IZUMO3: variants seen among roughly 807,000 people sequenced by gnomAD.
IZUMO3 encodes the protein izumo sperm-egg fusion protein 3.
In IZUMO3, 36 loss-of-function variants were observed where a neutral mutation model predicts 28.4. The observed-to-expected ratio is 1.27, with a 90% CI of 0.97 to 1.67. IZUMO3 has a LOEUF of 1.67. Among genes scored for constraint, IZUMO3 ranks in the 40% most tolerant of loss-of-function variants. IZUMO3 has a pLI of 0.00. For missense variants in IZUMO3, 387 were observed against 278.5 expected, an observed-to-expected ratio of 1.39 and a Z score of -2.77; for synonymous variants, 126 against 99.2, an observed-to-expected ratio of 1.27 and a Z score of -1.61.
At chr9:24,545,085 C>T in intron 2 of IZUMO3, 24 bp from the exon 3 acceptor site, 1 of 1,505,950 alleles carries the variant, frequency 6.6e-7, no homozygotes, top group Non-Finnish European at 9.0e-7. Flanking sequence ...GAAGGGGTGT[C>T]AAAAAATAGA....
rs954910865 is a variant in IZUMO3, at chr9:24,544,932, C to T, written c.391+40G>A. ...CTCATCCCGCATTTTCTATTCCCTT[C>T]ATATAACTTCAGTGCTGTTATATAG... On this transcript the variant is annotated intron_variant, in intron 3 of 6. Transcript: ENST00000543880. 2.1e-6 allele frequency: 3 copies of T among 1,416,084 alleles called. No individual in the cohort carries two copies. In the South Asian group the frequency reaches 3.7e-5, roughly 17 times the overall value. 87.7% of individuals were successfully genotyped at this position (1,416,084 alleles called of 1,614,324 possible).
chr9:24,543,608 G>C (rs1293673083), intron 6 of IZUMO3, 56 bp downstream of exon 6: 2 of 1,291,810 alleles, frequency 1.5e-6, no homozygotes, highest in East Asian at 2.5e-5. Context: ...AATTTGGGCA[G>C]TCTCTTGGCA....
At position 24,543,137 on chromosome 9, in the gene IZUMO3, T is replaced by C. The variant is rs1205401090; in HGVS notation, c.*92A>G. On this transcript the variant is annotated 3_prime_UTR_variant, in exon 7 of 7. Transcript: ENST00000543880. ...TATTTCAGTTTTAAAATACTATGAC[T>C]TTATGACCAAGAAAGGGTTTACCTC... 1.9e-6 allele frequency: 2 copies of C among 1,026,370 alleles called. No homozygotes were observed. Among genetic ancestry groups the C allele is most frequent in the Admixed American group, 6.8e-5 (2 of 29,318 alleles). The allele number at this position is 1,026,370 out of a possible 1,614,324, so 63.6% of individuals were successfully genotyped here.
In IZUMO3 at chr9:24,545,736, G is replaced by A. The variant is rs948637559; in HGVS notation, c.-87C>T. On this transcript the variant is annotated 5_prime_UTR_variant, in exon 1 of 7. Transcript: ENST00000543880. The stretch of plus-strand genomic sequence containing the variant: ...TTTTCCTTCAAAAATCCGGGAATGA[G>A]AGCCTGGTTCTGGATAGTCTGACTC... The A allele has an allele frequency of 2.6e-6, 4 of 1,534,188 alleles. No homozygotes were observed. Among genetic ancestry groups the A allele is most frequent in the South Asian group, 1.2e-5 (1 of 82,616 alleles).
chr9:24,545,799 C>G lies in IZUMO3; in HGVS notation c.-150G>C. ...TGTTTCCATCCCACTATCGGGCAAT[C>G]TTTAGTTGTTTAGTTTAATGATCTT... On this transcript the variant is annotated 5_prime_UTR_variant, in exon 1 of 7. Coordinates refer to ENST00000543880, the MANE Select transcript of IZUMO3 (RefSeq NM_001365008.2). The G allele has an allele frequency of 6.5e-7, 1 of 1,542,904 alleles. No individual in the cohort carries two copies. Among genetic ancestry groups the G allele is most frequent in the Non-Finnish European group, 8.7e-7 (1 of 1,144,012 alleles).
rs1016106687 is a variant in IZUMO3 at position 24,545,681 on chromosome 9, G to A, written c.-32C>T. 2.0e-6 allele frequency: 3 copies of A among 1,534,778 alleles called. No homozygotes were observed. The African/African-American group carries it at 4.1e-5, about 21-fold the overall frequency. ...CTTCACCCCCGCTCCCCGACAGCAG[G>A]TTGTCCTGGCAACTAGTTCACTTAG... On this transcript the variant is annotated 5_prime_UTR_variant, in exon 1 of 7. Transcript: ENST00000543880.
chr9:24,543,067 T>A lies in IZUMO3; in HGVS notation c.*162A>T, dbSNP rs1819485545. On this transcript the variant is annotated 3_prime_UTR_variant, in exon 7 of 7. Transcript: ENST00000543880. ...ATTTGCTCTCCCATTACTTCCGTTGTCTCAGGATATCAATAAGCATTTTCA... is the reference window on the plus strand; with the variant it reads ...ATTTGCTCTCCCATTACTTCCGTTGACTCAGGATATCAATAAGCATTTTCA... The A allele has an allele frequency of 1.8e-6, 1 of 557,368 alleles. No individual in the cohort carries two copies. Among genetic ancestry groups the A allele is most frequent in the African/African-American group, 1.9e-5 (1 of 51,602 alleles). 34.5% of individuals were successfully genotyped at this position (557,368 alleles called of 1,614,324 possible).
At chr9:24,544,326 C>G (rs990896827) in intron 4 of IZUMO3, 45 bp from the exon 5 acceptor site, 2 of 1,350,914 alleles carry the variant, frequency 1.5e-6, no homozygotes, top group Non-Finnish European at 1.0e-6. Context: ...GGGCATGGCA[C>G]GAGGGTTCCT....
intron 1 of IZUMO3, 39 bp from the exon 2 acceptor site, chr9:24,545,325 T>G (rs1459146238): frequency 6.5e-7 from 1 of 1,547,090 alleles, no homozygotes; most frequent in Admixed American, 2.0e-5. Context: ...GGGGAATAAT[T>G]ACATCTATGC....
chr9:24,543,446 T>G (rs1336457769), intron 6 of IZUMO3, 79 bp from the exon 7 acceptor site: 4 of 753,906 alleles, frequency 5.3e-6, no homozygotes, highest in African/African-American at 4.3e-5. Flanking sequence ...TTGTTTTTTT[T>G]TTTTTTTTTT....
intron 2 of IZUMO3, 72 bp downstream of exon 2, chr9:24,545,140 T>C: frequency 1.3e-6 from 2 of 1,502,558 alleles, no homozygotes; most frequent in Non-Finnish European, 1.8e-6. Context: ...TTTTTATCTT[T>C]GTTTTCCCCA....
intron 4 of IZUMO3, 104 bp from the exon 5 acceptor site, chr9:24,544,385 T>C: frequency 1.2e-6 from 1 of 835,494 alleles, no homozygotes; most frequent in Non-Finnish European, 2.0e-6. Flanking sequence ...TTCCCAGGAC[T>C]CTCAAGTTTG....
chr9:24,544,291 A>G lies in IZUMO3; in HGVS notation c.410-10T>C. 6.5e-7 allele frequency: 1 copy of G among 1,540,200 alleles called. No individual in the cohort carries two copies. The highest frequency in any genetic ancestry group is 8.8e-7 in the Non-Finnish European group (1 of 1,137,524). ...GGACCTTCAACCACAACTGATAAAG[A>G]GGAGAAGAAAGATAATCAGAAAGAG... On this transcript the variant is annotated splice_polypyrimidine_tract_variant and intron_variant, in intron 4 of 6. Transcript: ENST00000543880.
intron 1 of IZUMO3, 66 bp downstream of exon 1, chr9:24,545,358 G>T: frequency 6.5e-7 from 1 of 1,547,120 alleles, no homozygotes; most frequent in Non-Finnish European, 8.7e-7. Context: ...AGACCCAGGT[G>T]TTCTCTTCCT....
At chr9:24,544,394 T>A in intron 4 of IZUMO3, 113 bp from the exon 5 acceptor site, 1 of 768,804 alleles carries the variant, frequency 1.3e-6, no homozygotes, top group Non-Finnish European at 2.2e-6. Flanking sequence ...CTCTCAAGTT[T>A]GCATTGCTGT....
intron 6 of IZUMO3, 74 bp downstream of exon 6, chr9:24,543,590 G>A: frequency 8.6e-7 from 1 of 1,156,196 alleles, no homozygotes; most frequent in Non-Finnish European, 1.3e-6. Flanking sequence ...CCATTTGGAG[G>A]AAGAGGGAAT....
At position 24,543,760 on chromosome 9, in the gene IZUMO3, A is replaced by G; in HGVS notation, c.491-6T>C. ...AGCCTTTCTTGGATCCTCGTCTGGAAGGAGAAACAGGAAAATATGAAAGTG... is the reference window on the plus strand; with the variant it reads ...AGCCTTTCTTGGATCCTCGTCTGGAGGGAGAAACAGGAAAATATGAAAGTG... On this transcript the variant is annotated splice_region_variant and splice_polypyrimidine_tract_variant and intron_variant, in intron 5 of 6. Transcript: ENST00000543880. 5.3e-6 allele frequency: 8 copies of G among 1,518,466 alleles called. No homozygotes were observed. Among genetic ancestry groups the G allele is most frequent in the Non-Finnish European group, 7.2e-6 (8 of 1,118,184 alleles). The allele number at this position is 1,518,466 out of a possible 1,614,324, so 94.1% of individuals were successfully genotyped here.
Position 24,545,013 on chromosome 9 carries a change from T to A in IZUMO3, c.350A>T (p.Glu117Val). 1.3e-6 allele frequency: 2 copies of A among 1,550,878 alleles called. No homozygotes were observed. The highest frequency in any genetic ancestry group is 1.7e-6 in the Non-Finnish European group (2 of 1,146,958). The change falls in exon 3 of 7, where the codon GAA becomes GTA. Residue 117 changes from glutamate to valine, a missense_variant. By Grantham distance (121) the Glu-to-Val change is moderately radical. Coordinates refer to ENST00000543880, the MANE Select transcript of IZUMO3 (RefSeq NM_001365008.2). ...GKLLDVCQNLESKLKELLKNF... is the reference protein window; with the variant it reads ...GKLLDVCQNLVSKLKELLKNF... ...CTTTAGTAATTCTTTCAGTTTGGAT[T>A]CCAGGTTTTGGCAGACATCGAGAAG... is the stretch of plus-strand genomic sequence containing the variant.
chr9:24,544,606 T>C (rs1423060969), intron 4 of IZUMO3, 137 bp downstream of exon 4: 1 of 751,746 alleles, frequency 1.3e-6, no homozygotes, highest in African/African-American at 1.8e-5. Context: ...TCAGGTATTG[T>C]TGACGTTACC....
Sources: allele counts gnomAD v4.1 joint callset, GRCh38; gene constraint gnomAD v4.1.1; transcripts MANE v1.5; gene names NCBI Gene and HGNC (gene_info 2026-07-23, HGNC 2026-07-21).